The following CD247 variants were observed in gnomAD, a reference collection of about 807,000 sequenced individuals.
CD247 encodes CD247 molecule, also known as T-cell surface glycoprotein CD3 zeta chain.
Under a neutral mutation model 30.0 loss-of-function variants are expected in CD247, and 13 were observed. That is an observed-to-expected ratio of 0.43 (90% CI 0.28 to 0.69). The LOEUF (loss-of-function observed/expected upper bound fraction) is 0.69. CD247 is among the 30% of genes least tolerant of loss of function. The pLI is 0.16. For synonymous variants in CD247, 72 were observed against 80.0 expected (o/e 0.90, Z 0.53); for missense variants, 193 against 212.6 (o/e 0.91, Z 0.57).
chr1:167,474,199 T>C (rs1481427446), intron 1 of CD247, among the ~76,000 whole-genome samples: 1 of 152,110 alleles, frequency 6.6e-6, no homozygotes. Context: ...TCTCCCTGGC[T>C]CTGAGTCTGG....
At chr1:167,513,733 G>GA (rs1337111890) in intron 1 of CD247, among the ~76,000 whole-genome samples, 5 of 152,012 alleles carry the variant, frequency 3.3e-5, no homozygotes, top group East Asian at 1.9e-4. Context: ...AGCCTAATCA[G>GA]AAAAAATGAG....
chr1:167,474,777 G>A (rs1387431717), intron 1 of CD247, among the ~76,000 whole-genome samples: 30 of 137,042 alleles, frequency 2.2e-4, no homozygotes, highest in African/African-American at 6.6e-4. Flanking sequence ...TTTTTTTGAC[G>A]GAGTCTTGCT....
At chr1:167,509,856 G>A (rs1655313866) in intron 1 of CD247, among the ~76,000 whole-genome samples, 3 of 152,122 alleles carry the variant, frequency 2.0e-5, no homozygotes, top group Non-Finnish European at 2.9e-5. Flanking sequence ...TCTAAGTCGG[G>A]AGAATTGAGA....
At chr1:167,513,648 T>C (rs1342771676) in intron 1 of CD247, among the ~76,000 whole-genome samples, 1 of 152,222 alleles carries the variant, frequency 6.6e-6, no homozygotes, top group Non-Finnish European at 1.5e-5. Flanking sequence ...CTTTCATTAG[T>C]TTATTTTTAG....
At chr1:167,468,602 A>G (rs1466280626) in intron 1 of CD247, among the ~76,000 whole-genome samples, 1 of 152,194 alleles carries the variant, frequency 6.6e-6, no homozygotes. Flanking sequence ...CTTCAGTTAC[A>G]GTCAGTGACT....
At chr1:167,443,582 T>A (rs1237236) in intron 1 of CD247, among the ~76,000 whole-genome samples, 1 of 152,200 alleles carries the variant, frequency 6.6e-6, no homozygotes, top group Non-Finnish European at 1.5e-5. Flanking sequence ...CACAGAAAAT[T>A]AGAACAGAAA....
intron 1 of CD247, among the ~76,000 whole-genome samples, chr1:167,506,973 G>A (rs1306786907): frequency 2.1e-5 from 3 of 143,518 alleles, no homozygotes; most frequent in South Asian, 2.2e-4. Flanking sequence ...CTTGGCTCAC[G>A]GCAACCCCTG....
intron 1 of CD247, among the ~76,000 whole-genome samples, chr1:167,502,539 G>C (rs1387562455): frequency 6.6e-6 from 1 of 152,172 alleles, no homozygotes; most frequent in African/African-American, 2.4e-5. Flanking sequence ...TTTATTTTGA[G>C]AGATGATTCC....
chr1:167,441,134 G>A (rs1030892539), intron 1 of CD247, among the ~76,000 whole-genome samples: 2 of 152,200 alleles, frequency 1.3e-5, no homozygotes, highest in African/African-American at 4.8e-5. Flanking sequence ...GCCTCGGGAA[G>A]ATGTTCACGT....
rs553756494 is a variant in CD247 at position 167,473,522 on chromosome 1, G to A, written c.59-32755C>T. Among the ~76,000 whole-genome samples the A allele has an allele frequency of 1.2e-4, 18 of 152,136 alleles. No individual in the cohort carries two copies. The South Asian group carries it at 2.3e-3, about 19-fold the overall frequency. On this transcript the variant is annotated intron_variant, in intron 1 of 7. Coordinates refer to ENST00000362089, the MANE Select transcript of CD247 (RefSeq NM_198053.3). The stretch of plus-strand genomic sequence containing the variant: ...CCCAACTGCAGCTTGAGAATGAGGC[G>A]CTGTTATTATTCCCATTAGAAAAAA...
At chr1:167,473,451 C>T (rs555945519) in intron 1 of CD247, among the ~76,000 whole-genome samples, 7 of 152,322 alleles carry the variant, frequency 4.6e-5, no homozygotes, top group Middle Eastern at 3.4e-3. Flanking sequence ...CATTTAGCCG[C>T]GCTCACAGCC....
chr1:167,438,271 C>T (rs1010800784), intron 4 of CD247, among the ~76,000 whole-genome samples: 5 of 152,192 alleles, frequency 3.3e-5, no homozygotes, highest in East Asian at 1.9e-4. Flanking sequence ...GGGCAGATGG[C>T]GTCACCGTAT....
chr1:167,435,287 AGC>A, intron 5 of CD247, 110 bp downstream of exon 5: 1 of 571,836 alleles, frequency 1.7e-6, no homozygotes, highest in Non-Finnish European at 3.0e-6. Context: ...CCCTTCCTCC[AGC>A]CCTTCCTCTG....
chr1:167,450,349 G>C (rs1652296805), intron 1 of CD247, among the ~76,000 whole-genome samples: 1 of 152,062 alleles, frequency 6.6e-6, no homozygotes, highest in Admixed American at 6.6e-5. Context: ...TAAAAAATTA[G>C]CTGGGCATGA....
chr1:167,478,772 G>A (rs1653855318), intron 1 of CD247, among the ~76,000 whole-genome samples: 1 of 152,196 alleles, frequency 6.6e-6, no homozygotes, highest in Non-Finnish European at 1.5e-5. Flanking sequence ...CTCAATAAAT[G>A]TGAGGTGGAA....
intron 1 of CD247, among the ~76,000 whole-genome samples, chr1:167,500,605 C>T (rs1283340129): frequency 6.6e-6 from 1 of 152,170 alleles, no homozygotes; most frequent in Middle Eastern, 3.2e-3. Context: ...CACACACACC[C>T]ATTTATGCAG....
chr1:167,505,810 C>A (rs564884861), intron 1 of CD247, among the ~76,000 whole-genome samples: 1 of 152,236 alleles, frequency 6.6e-6, no homozygotes, highest in Non-Finnish European at 1.5e-5. Flanking sequence ...CAGTTGAAAG[C>A]CATCCCCTTC....
At chr1:167,490,000 C>A (rs1654374918) in intron 1 of CD247, among the ~76,000 whole-genome samples, 1 of 152,138 alleles carries the variant, frequency 6.6e-6, no homozygotes. Context: ...AGTTTAGCTG[C>A]CTGTGCCCCC....
chr1:167,476,958 A>G (rs1653773041), intron 1 of CD247, among the ~76,000 whole-genome samples: 1 of 152,244 alleles, frequency 6.6e-6, no homozygotes, highest in African/African-American at 2.4e-5. Flanking sequence ...GTTAAGGGGC[A>G]AAGATGTAAA....
Sources: gnomAD v4.1 joint callset for allele counts (sites outside exome capture counted in the v4.1 genomes callset) on GRCh38, gnomAD v4.1.1 for gene constraint, MANE v1.5 for transcripts, NCBI Gene and HGNC (gene_info 2026-07-23, HGNC 2026-07-21) for gene names.